The following INTS9 variants were observed in gnomAD, a reference collection of about 807,000 sequenced individuals.
The protein encoded by INTS9 is protein related to CPSF subunits of 74 kDa.
INTS9 carries 55 observed loss-of-function variants against 79.7 expected under a neutral mutation model. That is an observed-to-expected ratio of 0.69 (90% confidence interval 0.56 to 0.86). The LOEUF is 0.86. Among genes scored for constraint, INTS9 ranks in the 40% least tolerant of loss-of-function variants. The pLI is 0.00. For synonymous variants in INTS9, 319 were observed against 325.2 expected (o/e 0.98, Z 0.20); for missense variants, 721 against 831.5 (o/e 0.87, Z 1.64).
intron 1 of INTS9, among the ~76,000 whole-genome samples, chr8:28,875,529 G>A (rs1374375766): frequency 1.3e-5 from 2 of 151,932 alleles, no homozygotes; most frequent in Non-Finnish European, 2.9e-5. Flanking sequence ...TACATGTATA[G>A]GACGTACAGG....
chr8:28,805,050 GGAGT>G (rs1804730985), intron 8 of INTS9, among the ~76,000 whole-genome samples: 1 of 152,046 alleles, frequency 6.6e-6, no homozygotes, highest in East Asian at 1.9e-4. Flanking sequence ...AAATCAACCA[GGAGT>G]AAGTAATTTA....
In INTS9 at chr8:28,777,831, G is replaced by C; in HGVS notation, c.1393C>G (p.Gln465Glu). 1 of 1,604,070 alleles carries C rather than the reference G, an allele frequency of 6.2e-7. No homozygotes were observed. The highest frequency in any genetic ancestry group is 8.5e-7 in the Non-Finnish European group (1 of 1,175,674). The change falls in exon 13 of 17, where the codon CAG becomes GAG. Residue 465 changes from glutamine (Q) to glutamate (E), a missense_variant and splice_region_variant. Gln to Glu is a conservative substitution (Grantham distance 29, BLOSUM62 2). Around this residue, in one of 3 missense-constraint regions of INTS9, gnomAD observed 281 missense variants for 300.8 expected, o/e 0.93. Transcript: ENST00000521022. ...IQVSKLLKEV[Q>E]PLHVVCPEQY... is the part of the protein sequence containing the mutation. ...GCACAAGCAGTGTCCTTCATTACCTGCACTTCTTTAAGCAGCTTTGACACC... is the reference window on the plus strand; with the variant it reads ...GCACAAGCAGTGTCCTTCATTACCTCCACTTCTTTAAGCAGCTTTGACACC...
intron 11 of INTS9, among the ~76,000 whole-genome samples, chr8:28,781,741 G>A (rs1803280156): frequency 6.6e-6 from 1 of 152,200 alleles, no homozygotes; most frequent in South Asian, 2.1e-4. Context: ...AAACTATACA[G>A]ATAGTAAAAG....
chr8:28,784,495 C>G (rs1312261167), intron 11 of INTS9, among the ~76,000 whole-genome samples: 1 of 152,220 alleles, frequency 6.6e-6, no homozygotes, highest in African/African-American at 2.4e-5. Flanking sequence ...CAAAAAATAA[C>G]TTCTTCAAAA....
At position 28,861,800 on chromosome 8, in the gene INTS9, T is replaced by TAAAGGCC. The variant is rs1420615073; in HGVS notation, c.10-2244_10-2238dup. ...AAGACTTTACTTTTGTTACTGTCCT[T>TAAAGGCC]AAAGGCCAAAGGCCAAAGGCCAAAG... is the stretch of plus-strand genomic sequence containing the variant. On this transcript the variant is annotated intron_variant, in intron 1 of 16. Coordinates refer to ENST00000521022, the MANE Select transcript of INTS9 (RefSeq NM_018250.4). 3.9e-5 allele frequency among the ~76,000 whole-genome samples: 6 copies of TAAAGGCC among 152,242 alleles called. No individual in the cohort carries two copies. The East Asian group carries it at 1.2e-3, about 29-fold the overall frequency.
chr8:28,780,899 A>G lies in INTS9; in HGVS notation c.1194T>C (p.Pro398=). 1 of 1,614,196 alleles carries G rather than the reference A, an allele frequency of 6.2e-7. No individual in the cohort carries two copies. The highest frequency in any genetic ancestry group is 1.1e-5 in the South Asian group (1 of 91,078). Reference sequence around the variant, plus strand: ...GGACCACGTCCCCGAAGCGGAGGGAAGGGTGCCCGGTGAACACCACACAGG... The same window carrying G: ...GGACCACGTCCCCGAAGCGGAGGGAGGGGTGCCCGGTGAACACCACACAGG... The part of the protein sequence containing the change: ...RQPCVVFTGH[P]SLRFGDVVHF... Residue 398 remains proline, a synonymous_variant, in exon 12 of 17, where the codon CCT becomes CCC. Transcript: ENST00000521022.
intron 1 of INTS9, among the ~76,000 whole-genome samples, chr8:28,876,834 G>C (rs1390204384): frequency 6.6e-6 from 1 of 151,864 alleles, no homozygotes; most frequent in African/African-American, 2.4e-5. Flanking sequence ...CACAGGAAAA[G>C]ATTTCAGTAA....
rs572100757 is a variant in INTS9, at chr8:28,839,619, C to T, written c.262-1843G>A. Among the ~76,000 whole-genome samples, 3 of 152,114 alleles carry T rather than the reference C, an allele frequency of 2.0e-5. No individual in the cohort carries two copies. In the East Asian group the frequency reaches 5.8e-4, roughly 29 times the overall value. ...TATAGATCAATGGAACAGAACAGAG[C>T]CCTCAGAAATAACGCCGCATATCTA... On this transcript the variant is annotated intron_variant, in intron 4 of 16. Coordinates refer to ENST00000521022, the MANE Select transcript of INTS9 (RefSeq NM_018250.4).
In INTS9 at chr8:28,770,022, G is replaced by T; in HGVS notation, c.1667C>A (p.Pro556His). 6.2e-7 allele frequency: 1 copy of T among 1,613,790 alleles called. No individual in the cohort carries two copies. Among genetic ancestry groups the T allele is most frequent in the Non-Finnish European group, 8.5e-7 (1 of 1,179,976 alleles). The change falls in exon 16 of 17, where the codon CCT becomes CAT. Residue 556 changes from proline to histidine, a missense_variant. Transcript: ENST00000521022. ...TKDNKHLLQP[P>H]PRPAQPTSGK... ...GCTCGTGGGCTGGGCGGGCCGAGGA[G>T]GGGGCTAGAGCAGAAGGAAAGAGTG...
Position 28,771,091 on chromosome 8 carries a change from A to C in INTS9, c.1564-11T>G, listed in dbSNP as rs1180345778. The C allele has an allele frequency of 1.3e-6, 2 of 1,593,584 alleles. No homozygotes were observed. The highest frequency in any genetic ancestry group is 1.7e-6 in the Non-Finnish European group (2 of 1,168,226). On this transcript the variant is annotated splice_polypyrimidine_tract_variant and intron_variant, in intron 14 of 16. Transcript: ENST00000521022. Reference sequence around the variant, plus strand: ...CAGTGAATCTGCGAGCTGAAAGCAAAGGGCGCAGTTCAGGCTGGGGGCCTT... The same window carrying C: ...CAGTGAATCTGCGAGCTGAAAGCAACGGGCGCAGTTCAGGCTGGGGGCCTT...
At chr8:28,877,106 A>C (rs779919137) in intron 1 of INTS9, among the ~76,000 whole-genome samples, 3 of 152,186 alleles carry the variant, frequency 2.0e-5, no homozygotes, top group Non-Finnish European at 4.4e-5. Flanking sequence ...ACAAAATGTA[A>C]AAATCTAAGT....
chr8:28,814,284 T>TCACACACACACACACACACA (rs60850682), intron 6 of INTS9, among the ~76,000 whole-genome samples: 2 of 134,224 alleles, frequency 1.5e-5, no homozygotes, highest in Non-Finnish European at 3.1e-5. Flanking sequence ...ACAGGGCTTC[T>TCACACACACACACACACACA]CACACACACA....
chr8:28,838,256 C>A (rs180850345), intron 4 of INTS9, among the ~76,000 whole-genome samples: 27 of 150,342 alleles, frequency 1.8e-4, no homozygotes, highest in Admixed American at 4.0e-4. Context: ...TTTTTTTTTT[C>A]TTTTGAGGTA....
chr8:28,803,478 T>A, intron 8 of INTS9, among the ~76,000 whole-genome samples: 1 of 152,268 alleles, frequency 6.6e-6, no homozygotes, highest in East Asian at 1.9e-4. Flanking sequence ...TTACCATTTT[T>A]AAACTGTGTC....
At chr8:28,788,189 A>G (rs137999269) in intron 10 of INTS9, among the ~76,000 whole-genome samples, 468 of 152,358 alleles carry the variant, frequency 3.1e-3, no homozygotes, top group African/African-American at 0.011. Flanking sequence ...TCTTCACCCT[A>G]TGTCCCCAGA....
At chr8:28,792,282 T>G (rs1269401761) in intron 10 of INTS9, among the ~76,000 whole-genome samples, 1 of 152,172 alleles carries the variant, frequency 6.6e-6, no homozygotes, top group Non-Finnish European at 1.5e-5. Flanking sequence ...CTTCTCTTCA[T>G]ACTATATACT....
intron 6 of INTS9, among the ~76,000 whole-genome samples, chr8:28,823,787 G>A (rs1218410475): frequency 6.6e-6 from 1 of 152,070 alleles, no homozygotes; most frequent in African/African-American, 2.4e-5. Context: ...AGTTGCACAA[G>A]ATAGAAAAAA....
intron 14 of INTS9, among the ~76,000 whole-genome samples, chr8:28,773,275 A>G (rs543143869): frequency 1.3e-3 from 194 of 152,160 alleles, no homozygotes; most frequent in Middle Eastern, 0.01. Context: ...CATCCTGGCT[A>G]ACACGATGAA....
intron 12 of INTS9, chr8:28,780,319 C>T: frequency 1.1e-6 from 1 of 943,036 alleles, no homozygotes; most frequent in African/African-American, 1.9e-5. Context: ...CAAAAAAGAC[C>T]TAGCATTCAA....
Sources: gnomAD v4.1 joint callset for allele counts (sites outside exome capture counted in the v4.1 genomes callset) on GRCh38, gnomAD v4.1.1 for gene constraint, gnomAD v4.1.1 regional missense constraint, MANE v1.5 for transcripts, NCBI Gene and HGNC (gene_info 2026-07-23, HGNC 2026-07-21) for gene names.